SCN1A: variants seen among roughly 807,000 people sequenced by gnomAD.
SCN1A encodes the protein sodium channel protein type 1 subunit alpha.
A neutral mutation model predicts 193.7 loss-of-function variants in SCN1A; 13 were observed. The ratio of observed to expected loss-of-function variants is 0.07; its 90% CI spans 0.04 to 0.11. SCN1A has a LOEUF of 0.11. Ranked by LOEUF, SCN1A falls within the 10% of genes least tolerant of loss-of-function variation. The pLI is 1.00. For synonymous variants in SCN1A, 781 were observed against 843.6 expected, an observed-to-expected ratio of 0.93 and a Z score of 1.29; for missense variants, 1,432 against 2,451.1, an observed-to-expected ratio of 0.58 and a Z score of 8.78.
intron 24 of SCN1A, among the ~76,000 whole-genome samples, chr2:166,002,248 A>G (rs1490137497): frequency 6.6e-6 from 1 of 151,720 alleles, no homozygotes; most frequent in African/African-American, 2.4e-5. Flanking sequence ...GAAAAAAGAC[A>G]AAGAGGTCTT....
intron 17 of SCN1A, among the ~76,000 whole-genome samples, chr2:166,038,538 A>G (rs1268178661): frequency 3.9e-5 from 6 of 151,926 alleles, no homozygotes; most frequent in South Asian, 2.1e-4. Context: ...GAGTTTCACC[A>G]TGTTGGCCAG....
At chr2:166,072,006 A>C (rs568996780) in intron 4 of SCN1A, 2 of 152,338 alleles carry the variant, frequency 1.3e-5, no homozygotes, top group East Asian at 3.9e-4. Flanking sequence ...TTTCCTCCGA[A>C]ACTGTAGCTG....
At chr2:166,124,290 T>A (rs1690978976) in intron 2 of SCN1A, among the ~76,000 whole-genome samples, 1 of 151,948 alleles carries the variant, frequency 6.6e-6, no homozygotes, top group African/African-American at 2.4e-5. Flanking sequence ...GGCTCACTCC[T>A]GTAATCCCAG....
intron 22 of SCN1A, among the ~76,000 whole-genome samples, chr2:166,010,947 A>G (rs888829774): frequency 6.6e-6 from 1 of 151,210 alleles, no homozygotes; most frequent in Non-Finnish European, 1.5e-5. Flanking sequence ...TAATAAACAT[A>G]ATAGAAAAAA....
intron 4 of SCN1A, among the ~76,000 whole-genome samples, chr2:166,067,144 C>T (rs1683926469): frequency 6.6e-6 from 1 of 152,014 alleles, no homozygotes; most frequent in Admixed American, 6.6e-5. Context: ...GCTTATCACC[C>T]TACTGGAATT....
At chr2:166,137,721 A>G (rs1691919354) in intron 1 of SCN1A, 1 of 152,314 alleles carries the variant, frequency 6.6e-6, no homozygotes, top group Admixed American at 6.5e-5. Flanking sequence ...CTACTCAGTA[A>G]ATTGGTACTG....
intron 2 of SCN1A, among the ~76,000 whole-genome samples, chr2:166,078,798 GA>G (rs1685217624): frequency 1.3e-5 from 2 of 151,496 alleles, no homozygotes; most frequent in African/African-American, 4.8e-5. Flanking sequence ...ACTTCATGTG[GA>G]AAAATAAGCA....
At chr2:166,128,809 A>C (rs1422233567), upstream of SCN1A, among the ~76,000 whole-genome samples, 3 of 152,200 alleles carry the variant, frequency 2.0e-5, no homozygotes, top group Non-Finnish European at 4.4e-5. Flanking sequence ...CCAAAGATAG[A>C]ATTATAAAAA....
chr2:166,012,343 TA>T (rs948237017), intron 21 of SCN1A, 61 bp from the exon 22 acceptor site: 1 of 1,321,546 alleles, frequency 7.6e-7, no homozygotes, highest in Non-Finnish European at 1.1e-6. Flanking sequence ...ATAAGCTATT[TA>T]AAAAATTAAT....
At chr2:166,058,440 A>G (rs1347303054) in intron 5 of SCN1A, 130 bp downstream of exon 5, 1 of 579,448 alleles carries the variant, frequency 1.7e-6, no homozygotes, top group Non-Finnish European at 3.1e-6. Flanking sequence ...GGCTAATATG[A>G]CAAAGATGCA....
chr2:166,048,476 A>T (rs568885699), intron 10 of SCN1A, among the ~76,000 whole-genome samples: 1 of 152,214 alleles, frequency 6.6e-6, no homozygotes, highest in Admixed American at 6.6e-5. Context: ...TTCCTGCAAT[A>T]GTTTGCTAAG....
intron 6 of SCN1A, among the ~76,000 whole-genome samples, chr2:166,055,820 G>A (rs2105906902): frequency 1.3e-5 from 2 of 152,122 alleles, no homozygotes; most frequent in South Asian, 4.1e-4. Flanking sequence ...AATATAGTTA[G>A]TAATGCTTCT....
chr2:165,994,046 G>A (rs1165871983), intron 28 of SCN1A, 100 bp downstream of exon 28: 6 of 957,946 alleles, frequency 6.3e-6, no homozygotes, highest in Non-Finnish European at 9.5e-6. Context: ...AATATTTACA[G>A]TGATTATCTC....
intron 19 of SCN1A, among the ~76,000 whole-genome samples, chr2:166,018,038 C>T (rs1693542886): frequency 6.6e-6 from 1 of 151,794 alleles, no homozygotes; most frequent in African/African-American, 2.4e-5. Flanking sequence ...GTGTTTTATC[C>T]AATTGTAAGG....
rs1489625742 is a variant in SCN1A at position 166,127,995 on chromosome 2, G to C, written c.-453C>G. On this transcript the variant is annotated 5_prime_UTR_variant, in exon 1 of 29. Coordinates refer to ENST00000674923, the MANE Select transcript of SCN1A (RefSeq NM_001165963.4). Reference sequence around the variant, plus strand: ...CAGAGACCTCTGCAGTATCCTCTCGGCTTCATCCTCGCCTCACTCTATGGT... The same window carrying C: ...CAGAGACCTCTGCAGTATCCTCTCGCCTTCATCCTCGCCTCACTCTATGGT... 1 of 144,774 alleles carries C rather than the reference G, an allele frequency of 6.9e-6. No individual in the cohort carries two copies. Among genetic ancestry groups the C allele is most frequent in the East Asian group, 2.0e-4 (1 of 4,898 alleles). The allele number at this position is 144,774 out of a possible 1,614,324, so 9.0% of individuals were successfully genotyped here. A position where few individuals can be genotyped will look rare whatever the true frequency, so the allele number is the denominator to read the frequency against.
chr2:166,022,008 T>A (rs1694135868), intron 19 of SCN1A, among the ~76,000 whole-genome samples: 1 of 152,176 alleles, frequency 6.6e-6, no homozygotes, highest in Admixed American at 6.5e-5. Flanking sequence ...GGAGAATTGC[T>A]TGAACTTATA....
At chr2:166,020,667 C>T (rs498631) in intron 19 of SCN1A, among the ~76,000 whole-genome samples, 105,745 of 152,004 alleles carry the variant, frequency 0.7, 37,731 homozygotes, top group African/African-American at 0.85. Context: ...ATAAACGTAA[C>T]ACCGGTAAAT....
chr2:166,030,883 T>C (rs1254191565), intron 19 of SCN1A, among the ~76,000 whole-genome samples: 2 of 152,112 alleles, frequency 1.3e-5, no homozygotes, highest in African/African-American at 4.8e-5. Flanking sequence ...TACTTTCTAT[T>C]TGGGGAGATA....
chr2:166,003,738 T>C (rs557936105), intron 23 of SCN1A, among the ~76,000 whole-genome samples: 4 of 151,794 alleles, frequency 2.6e-5, no homozygotes, highest in African/African-American at 9.6e-5. Context: ...AACTTGGACA[T>C]TAATAGCTAA....
Sources: allele counts gnomAD v4.1 joint callset (sites outside exome capture counted in the v4.1 genomes callset), GRCh38; gene constraint gnomAD v4.1.1; transcripts MANE v1.5; gene names NCBI Gene and HGNC (gene_info 2026-07-23, HGNC 2026-07-21).